The following LOC128462377 variants were observed in gnomAD, a reference collection of about 807,000 sequenced individuals.
chr16:89,407,328 G>A, the LOC128462377 span, among the ~76,000 whole-genome samples: 1 of 152,054 alleles, frequency 6.6e-6, no homozygotes, highest in African/African-American at 2.4e-5. Flanking sequence ...AAATTAAAAG[G>A]AAAAGATGAA....
the LOC128462377 span, among the ~76,000 whole-genome samples, chr16:89,328,120 C>T: frequency 6.7e-6 from 1 of 149,942 alleles, no homozygotes; most frequent in Non-Finnish European, 1.5e-5. Flanking sequence ...CATCCTAAGC[C>T]GTTAGGGAAA....
chr16:89,382,433 C>A, the LOC128462377 span, among the ~76,000 whole-genome samples: 7 of 152,080 alleles, frequency 4.6e-5, no homozygotes, highest in Non-Finnish European at 7.4e-5. Context: ...TCAAGCAATT[C>A]TCCTGCCTCG....
the LOC128462377 span, among the ~76,000 whole-genome samples, chr16:89,346,833 T>C: frequency 6.6e-6 from 1 of 152,122 alleles, no homozygotes; most frequent in African/African-American, 2.4e-5. Flanking sequence ...AAGAAAAACA[T>C]GAGAAATGTA....
At chr16:89,364,903 C>T in the LOC128462377 span, among the ~76,000 whole-genome samples, 1 of 152,192 alleles carries the variant, frequency 6.6e-6, no homozygotes, top group Admixed American at 6.5e-5. Flanking sequence ...AAAGCCTCAT[C>T]GAATGCTGAA....
chr16:89,357,565 T>C, the LOC128462377 span, among the ~76,000 whole-genome samples: 3 of 152,236 alleles, frequency 2.0e-5, no homozygotes, highest in Non-Finnish European at 4.4e-5. Context: ...AAGACAGTTG[T>C]ACTTCGACGT....
the LOC128462377 span, among the ~76,000 whole-genome samples, chr16:89,407,902 C>A: frequency 6.6e-6 from 1 of 151,502 alleles, no homozygotes; most frequent in Non-Finnish European, 1.5e-5. Context: ...ACTCCTTTGT[C>A]CACATAGTAA....
chr16:89,385,418 C>T, the LOC128462377 span, among the ~76,000 whole-genome samples: 5 of 152,242 alleles, frequency 3.3e-5, no homozygotes, highest in South Asian at 2.1e-4. Flanking sequence ...CGTGAGCCAC[C>T]GGACCCAGCA....
chr16:89,385,549 T>C, the LOC128462377 span, among the ~76,000 whole-genome samples: 31 of 151,496 alleles, frequency 2.0e-4, 2 homozygotes, highest in South Asian at 6.5e-3. Context: ...AGCCTCAAGC[T>C]GCTCCCTACC....
At chr16:89,345,711 T>A in the LOC128462377 span, among the ~76,000 whole-genome samples, 1 of 152,244 alleles carries the variant, frequency 6.6e-6, no homozygotes, top group Non-Finnish European at 1.5e-5. Flanking sequence ...AGCTGAGTGA[T>A]GTTTAATCCA....
At chr16:89,324,395 C>T in the LOC128462377 span, 38 of 568,892 alleles carry the variant, frequency 6.7e-5, no homozygotes, top group Middle Eastern at 3.0e-4. Context: ...AAGTTCTCAG[C>T]TTCGTTAGTC....
At chr16:89,413,005 T>G in the LOC128462377 span, among the ~76,000 whole-genome samples, 3 of 151,858 alleles carry the variant, frequency 2.0e-5, no homozygotes, top group Non-Finnish European at 4.4e-5. Context: ...AATGGGGAGC[T>G]CCAATGTTCC....
At chr16:89,334,111 C>T in the LOC128462377 span, among the ~76,000 whole-genome samples, 9 of 135,332 alleles carry the variant, frequency 6.7e-5, no homozygotes, top group Admixed American at 4.9e-4. Context: ...CAGTTCAAGA[C>T]CAGCCTGGGT....
At chr16:89,388,035 G>A in the LOC128462377 span, among the ~76,000 whole-genome samples, 1 of 151,370 alleles carries the variant, frequency 6.6e-6, no homozygotes, top group Non-Finnish European at 1.5e-5. Context: ...AAAGGACTGT[G>A]CTCATCTGTT....
the LOC128462377 span, among the ~76,000 whole-genome samples, chr16:89,337,634 G>T: frequency 6.6e-6 from 1 of 151,626 alleles, no homozygotes; most frequent in African/African-American, 2.4e-5. Flanking sequence ...TAGAGATGGG[G>T]TTTCACCGTG....
the LOC128462377 span, among the ~76,000 whole-genome samples, chr16:89,414,698 A>G: frequency 6.6e-6 from 1 of 152,158 alleles, no homozygotes; most frequent in Non-Finnish European, 1.5e-5. Context: ...CCCATCACAC[A>G]AGGCTGTCGG....
the LOC128462377 span, among the ~76,000 whole-genome samples, chr16:89,340,876 T>C: frequency 1.3e-5 from 2 of 151,840 alleles, no homozygotes; most frequent in Admixed American, 6.6e-5. Flanking sequence ...TCTCAGAGAG[T>C]CCAGACCTGA....
At chr16:89,372,035 T>C in the LOC128462377 span, among the ~76,000 whole-genome samples, 1 of 152,176 alleles carries the variant, frequency 6.6e-6, no homozygotes, top group Non-Finnish European at 1.5e-5. Flanking sequence ...AAGCCAGGAC[T>C]GAGCACTCAC....
the LOC128462377 span, among the ~76,000 whole-genome samples, chr16:89,401,597 G>A: frequency 6.6e-6 from 1 of 152,162 alleles, no homozygotes; most frequent in Non-Finnish European, 1.5e-5. Context: ...ATTTACTGGT[G>A]TTATGAGTTG....
the LOC128462377 span, among the ~76,000 whole-genome samples, chr16:89,384,814 G>A: frequency 6.7e-6 from 1 of 150,104 alleles, no homozygotes; most frequent in African/African-American, 2.4e-5. Context: ...CAACAGAACC[G>A]CTGCAGGTGA....
Sources: gnomAD v4.1 joint callset for allele counts (sites outside exome capture counted in the v4.1 genomes callset) on GRCh38, gnomAD v4.1.1 for gene constraint, MANE v1.5 for transcripts.